The following ZMYM2 variants were observed in gnomAD, a reference collection of about 807,000 sequenced individuals.
ZMYM2 encodes the protein zinc finger MYM-type containing 2.
Under a neutral mutation model 162.8 loss-of-function variants are expected in ZMYM2, and 56 were observed. The ratio of observed to expected loss-of-function variants is 0.34; its 90% CI spans 0.28 to 0.43. The LOEUF (loss-of-function observed/expected upper bound fraction) is 0.43, where lower values mean the gene tolerates loss of function less well. Ranked by LOEUF, ZMYM2 falls within the 20% of genes least tolerant of loss-of-function variation. ZMYM2 has a pLI of 1.00. For synonymous variants in ZMYM2, 510 were observed against 541.6 expected (o/e 0.94, Z 0.81); for missense variants, 1,275 against 1,621.8 (o/e 0.79, Z 3.67).
the ZMYM2 span, among the ~76,000 whole-genome samples, chr13:19,943,409 A>T: frequency 6.6e-6 from 1 of 152,198 alleles, no homozygotes; most frequent in African/African-American, 2.4e-5. Context: ...TTAAACTCAC[A>T]ACACCAGGCA....
chr13:19,941,702 C>T, the ZMYM2 span, among the ~76,000 whole-genome samples: 3 of 140,020 alleles, frequency 2.1e-5, no homozygotes, highest in Non-Finnish European at 3.0e-5. Flanking sequence ...GAAACAACTC[C>T]GGGCAAATGG....
intron 9 of ZMYM2, among the ~76,000 whole-genome samples, chr13:20,029,992 G>A (rs971614944): frequency 6.6e-6 from 1 of 151,282 alleles, no homozygotes; most frequent in East Asian, 2.0e-4. Context: ...ACGGACTTTC[G>A]CCACATTGGC....
At chr13:19,919,147 C>A in the ZMYM2 span, among the ~76,000 whole-genome samples, 1 of 139,772 alleles carries the variant, frequency 7.2e-6, no homozygotes, top group Non-Finnish European at 1.5e-5. Context: ...TTTTTTTTTT[C>A]ACTTAGCATA....
chr13:19,999,138 G>A (rs1235072824), intron 3 of ZMYM2, among the ~76,000 whole-genome samples: 1 of 152,176 alleles, frequency 6.6e-6, no homozygotes, highest in Non-Finnish European at 1.5e-5. Context: ...CCTCAGTACT[G>A]TGCTGTGCTG....
chr13:20,031,560 T>TA, intron 10 of ZMYM2, 125 bp downstream of exon 10: 1 of 629,110 alleles, frequency 1.6e-6, no homozygotes. Context: ...GATTTTTTTT[T>TA]ATGATTGGAT....
In ZMYM2 at chr13:20,088,872, A is replaced by G. The variant is rs1958413890; in HGVS notation, c.*2858A>G. On this transcript the variant is annotated 3_prime_UTR_variant, in exon 25 of 25. Transcript: ENST00000610343. ...AGTATGAAGAAATCATAAAATTGCA[A>G]GTTTTGGTTTGCATTACTCTAATGT... 5.1e-6 allele frequency: 1 copy of G among 196,716 alleles called. No homozygotes were observed. The highest frequency in any genetic ancestry group is 1.1e-5 in the Non-Finnish European group (1 of 94,762). 12.2% of individuals were successfully genotyped at this position (196,716 alleles called of 1,614,324 possible).
At chr13:19,865,226 T>A in the ZMYM2 span, among the ~76,000 whole-genome samples, 1 of 152,126 alleles carries the variant, frequency 6.6e-6, no homozygotes, top group Admixed American at 6.5e-5. Context: ...GCTGATGAGC[T>A]AAAACAAACG....
chr13:20,057,823 G>A (rs550221774), intron 14 of ZMYM2, among the ~76,000 whole-genome samples: 2 of 152,312 alleles, frequency 1.3e-5, no homozygotes, highest in South Asian at 4.1e-4. Flanking sequence ...AGTAGTCATT[G>A]TTTGGGGCAA....
chr13:19,912,979 C>T, the ZMYM2 span, among the ~76,000 whole-genome samples: 1 of 152,140 alleles, frequency 6.6e-6, no homozygotes, highest in African/African-American at 2.4e-5. Context: ...TGTACTACTC[C>T]AGACCATTAG....
chr13:20,034,907 T>G (rs767210524), intron 11 of ZMYM2, among the ~76,000 whole-genome samples: 2 of 152,196 alleles, frequency 1.3e-5, no homozygotes, highest in Non-Finnish European at 2.9e-5. Flanking sequence ...TTTCCTCTTA[T>G]CTACACTTTT....
At chr13:20,023,679 GA>G (rs1431485093) in intron 7 of ZMYM2, among the ~76,000 whole-genome samples, 1 of 152,012 alleles carries the variant, frequency 6.6e-6, no homozygotes, top group Non-Finnish European at 1.5e-5. Context: ...TTTTAATTCT[GA>G]ATTTATTCCA....
At chr13:19,887,869 T>C in the ZMYM2 span, among the ~76,000 whole-genome samples, 3 of 151,492 alleles carry the variant, frequency 2.0e-5, no homozygotes, top group African/African-American at 4.9e-5. Flanking sequence ...AACTCTTCAA[T>C]TGGCCTTCAA....
At chr13:20,061,365 A>C in intron 17 of ZMYM2, 141 bp downstream of exon 17, 3 of 716,894 alleles carry the variant, frequency 4.2e-6, no homozygotes, top group Non-Finnish European at 4.0e-6. Flanking sequence ...AATGTTTTTT[A>C]TATTAAGAGA....
At chr13:19,912,872 G>C in the ZMYM2 span, among the ~76,000 whole-genome samples, 1 of 152,264 alleles carries the variant, frequency 6.6e-6, no homozygotes, top group Admixed American at 6.5e-5. Flanking sequence ...TAAGGTGAAG[G>C]ATAAGTGTTA....
the ZMYM2 span, among the ~76,000 whole-genome samples, chr13:19,913,689 C>T: frequency 1.3e-5 from 2 of 152,202 alleles, no homozygotes; most frequent in Non-Finnish European, 2.9e-5. Flanking sequence ...CTCGCCACTG[C>T]ATGCCAGCCT....
chr13:19,900,661 G>A, the ZMYM2 span, among the ~76,000 whole-genome samples: 2 of 152,144 alleles, frequency 1.3e-5, no homozygotes, highest in African/African-American at 2.4e-5. Flanking sequence ...TATGCCTGAT[G>A]AATATTGATA....
chr13:19,922,639 T>G, the ZMYM2 span, among the ~76,000 whole-genome samples: 1 of 151,560 alleles, frequency 6.6e-6, no homozygotes, highest in African/African-American at 2.4e-5. Context: ...GGTCAGGAGA[T>G]CGAGACCATC....
At chr13:20,030,977 T>C (rs1320805688) in intron 9 of ZMYM2, among the ~76,000 whole-genome samples, 9 of 152,224 alleles carry the variant, frequency 5.9e-5, no homozygotes, top group Non-Finnish European at 1.5e-5. Flanking sequence ...TTTTTTAAAC[T>C]TCTGTTAGTT....
the ZMYM2 span, among the ~76,000 whole-genome samples, chr13:19,939,873 T>C: frequency 3.9e-5 from 6 of 152,330 alleles, no homozygotes; most frequent in South Asian, 1.2e-3. Context: ...ATTGTTTATA[T>C]CTATCTTGCA....
Sources: allele counts gnomAD v4.1 joint callset (sites outside exome capture counted in the v4.1 genomes callset), GRCh38; gene constraint gnomAD v4.1.1; transcripts MANE v1.5; gene names NCBI Gene and HGNC (gene_info 2026-07-23, HGNC 2026-07-21).